NIBAN1: variants seen among roughly 807,000 people sequenced by gnomAD.
NIBAN1 encodes the protein protein Niban 1.
A neutral mutation model predicts 75.1 loss-of-function variants in NIBAN1; 81 were observed. The ratio of observed to expected loss-of-function variants is 1.08; its 90% CI spans 0.90 to 1.30. The LOEUF (loss-of-function observed/expected upper bound fraction) is 1.30. Ranked by LOEUF, NIBAN1 falls within the 50% of genes most tolerant of loss-of-function variation. The pLI is 0.00. For synonymous variants in NIBAN1, 436 were observed against 424.8 expected (o/e 1.03, Z -0.32); for missense variants, 1,133 against 1,128.1 (o/e 1.00, Z -0.06).
intron 4 of NIBAN1, among the ~76,000 whole-genome samples, chr1:184,888,394 C>T (rs1236628636): frequency 6.6e-6 from 1 of 152,140 alleles, no homozygotes; most frequent in Non-Finnish European, 1.5e-5. Flanking sequence ...TTTGTACAAG[C>T]AACCAAAAGC....
chr1:184,806,760 A>G (rs1229639139), intron 10 of NIBAN1, among the ~76,000 whole-genome samples: 1 of 132,606 alleles, frequency 7.5e-6, no homozygotes, highest in African/African-American at 2.9e-5. Flanking sequence ...TCCAATATAT[A>G]CCTTTTTTTT....
chr1:184,834,302 A>G (rs557208163), intron 5 of NIBAN1, among the ~76,000 whole-genome samples: 8 of 152,340 alleles, frequency 5.3e-5, no homozygotes, highest in African/African-American at 1.9e-4. Context: ...TATTGTGAAT[A>G]GTGCCACAAT....
In NIBAN1 at chr1:184,798,191, C is replaced by T; in HGVS notation, c.1555-1G>A. 5.7e-6 allele frequency: 9 copies of T among 1,583,788 alleles called. No homozygotes were observed. Among genetic ancestry groups the T allele is most frequent in the Non-Finnish European group, 7.8e-6 (9 of 1,157,250 alleles). ...TGAACTGCTCGTATTTCTGAAGCTC[C>T]TGGAGAGCAAGAGATTAGAAGATAA... On this transcript the variant is annotated splice_acceptor_variant, in intron 12 of 13. Transcript: ENST00000367511. LOFTEE classifies it high-confidence loss of function.
In NIBAN1 at chr1:184,791,723, G is replaced by C. The variant is rs548282789; in HGVS notation, c.*3254C>G. On this transcript the variant is annotated 3_prime_UTR_variant, in exon 14 of 14. Coordinates refer to ENST00000367511, the MANE Select transcript of NIBAN1 (RefSeq NM_052966.4). ...GCTTTGCCCATAGGAGAGATACCCAGAGTGGCAAACAGAGGCTAAGGAAAA... is the reference window on the plus strand; with the variant it reads ...GCTTTGCCCATAGGAGAGATACCCACAGTGGCAAACAGAGGCTAAGGAAAA... The C allele has an allele frequency of 6.6e-6, 1 of 152,212 alleles. No homozygotes were observed. Among genetic ancestry groups the C allele is most frequent in the East Asian group, 1.9e-4 (1 of 5,182 alleles). The allele number at this position is 152,212 out of a possible 1,614,324, so 9.4% of individuals were successfully genotyped here. A position where few individuals can be genotyped will look rare whatever the true frequency, so the allele number is the denominator to read the frequency against.
chr1:184,956,208 G>A (rs370368487), intron 1 of NIBAN1, among the ~76,000 whole-genome samples: 2 of 151,940 alleles, frequency 1.3e-5, no homozygotes, highest in South Asian at 2.1e-4. Context: ...TTTGTTTTTT[G>A]TAGAGACGAG....
At chr1:184,905,066 G>A (rs1657057310) in intron 1 of NIBAN1, among the ~76,000 whole-genome samples, 2 of 152,142 alleles carry the variant, frequency 1.3e-5, no homozygotes, top group African/African-American at 2.4e-5. Context: ...CAGAGTGGGA[G>A]GGGGAGTGCC....
chr1:184,896,722 T>C (rs947311839), intron 2 of NIBAN1, among the ~76,000 whole-genome samples: 2 of 152,178 alleles, frequency 1.3e-5, no homozygotes, highest in African/African-American at 4.8e-5. Context: ...TTTTTGTATA[T>C]AATGAGAGAT....
intron 5 of NIBAN1, among the ~76,000 whole-genome samples, chr1:184,844,337 C>G (rs1655377554): frequency 6.6e-6 from 1 of 152,192 alleles, no homozygotes; most frequent in Admixed American, 6.5e-5. Flanking sequence ...CATGTCCTAG[C>G]CTAACACACC....
At chr1:184,938,329 G>A (rs185180846) in intron 1 of NIBAN1, among the ~76,000 whole-genome samples, 1 of 152,226 alleles carries the variant, frequency 6.6e-6, no homozygotes, top group East Asian at 1.9e-4. Flanking sequence ...TTAGTGGGGG[G>A]TTGTTTGTGG....
At chr1:184,808,679 T>C (rs338567) in intron 9 of NIBAN1, among the ~76,000 whole-genome samples, 30,899 of 152,016 alleles carry the variant, frequency 0.2, 3,558 homozygotes, top group East Asian at 0.47. Flanking sequence ...TCCTGGACTT[T>C]GGAAGGGAAG....
At chr1:184,948,627 C>T (rs1184765812) in intron 1 of NIBAN1, among the ~76,000 whole-genome samples, 1 of 151,866 alleles carries the variant, frequency 6.6e-6, no homozygotes, top group Non-Finnish European at 1.5e-5. Flanking sequence ...CCTAAATGTC[C>T]AACAAGAAGA....
intron 1 of NIBAN1, among the ~76,000 whole-genome samples, chr1:184,926,271 T>C (rs1419267247): frequency 6.6e-6 from 1 of 152,226 alleles, no homozygotes; most frequent in African/African-American, 2.4e-5. Context: ...CGAGACTCAC[T>C]CTATCGCCCA....
chr1:184,894,167 G>T lies in NIBAN1; in HGVS notation c.226C>A (p.Leu76Ile). Residue 76 changes from leucine to isoleucine, a missense_variant, in exon 3 of 14, where the codon CTA becomes ATA. By Grantham distance (5) the Leu-to-Ile change is conservative (BLOSUM62 2). Coordinates refer to ENST00000367511, the MANE Select transcript of NIBAN1 (RefSeq NM_052966.4). ...TTTATGTCTTCAGAAAATTGTGATA[G>T]CTCTGCTTCATACAAAATAGTTCCA... ...APGTILYEAE[L>I]SQFSEDIKKW... is the part of the protein sequence containing the mutation. 1 of 1,611,958 alleles carries T rather than the reference G, an allele frequency of 6.2e-7. No homozygotes were observed. The highest frequency in any genetic ancestry group is 2.2e-5 in the East Asian group (1 of 44,774).
chr1:184,923,715 TC>T (rs892748942), intron 1 of NIBAN1, among the ~76,000 whole-genome samples: 40 of 152,326 alleles, frequency 2.6e-4, no homozygotes, highest in African/African-American at 9.1e-4. Flanking sequence ...GGAATATCTT[TC>T]CTTTTTGTGT....
chr1:184,885,658 A>G (rs1306068411), intron 4 of NIBAN1, among the ~76,000 whole-genome samples: 1 of 152,082 alleles, frequency 6.6e-6, no homozygotes, highest in Non-Finnish European at 1.5e-5. Context: ...TGTCACTGCC[A>G]AACACCACTT....
rs2273851 is a variant in NIBAN1, at chr1:184,818,809, C to T, written c.1002G>A (p.Pro334=). Residue 334 remains proline, a synonymous_variant, in exon 9 of 14, where the codon CCG becomes CCA. Coordinates refer to ENST00000367511, the MANE Select transcript of NIBAN1 (RefSeq NM_052966.4). The stretch of plus-strand genomic sequence containing the variant: ...CACTCTCCAAGCAGCTTTTCTCCGC[C>T]GGCTGGGCCACCATCGCTGAGGTAG... The part of the protein sequence containing the change: ...IGKIKAMVAQ[P]AEKSCLESVQ... 6,373 of 1,591,914 alleles carry T rather than the reference C, an allele frequency of 4.0e-3. 145 individuals are homozygous for T. In the East Asian group the frequency reaches 0.073, roughly 18 times the overall value.
chr1:184,931,337 A>G (rs372699911), intron 1 of NIBAN1, among the ~76,000 whole-genome samples: 29 of 152,268 alleles, frequency 1.9e-4, no homozygotes, highest in African/African-American at 6.7e-4. Flanking sequence ...TATGTCTTTA[A>G]TCAATGCAGT....
intron 6 of NIBAN1, among the ~76,000 whole-genome samples, chr1:184,824,823 A>C (rs1160408077): frequency 6.6e-6 from 1 of 152,202 alleles, no homozygotes; most frequent in Non-Finnish European, 1.5e-5. Flanking sequence ...ATGTCTCCGA[A>C]GCTGGATTAA....
At chr1:184,943,669 C>T (rs1658151944) in intron 1 of NIBAN1, among the ~76,000 whole-genome samples, 1 of 151,338 alleles carries the variant, frequency 6.6e-6, no homozygotes, top group South Asian at 2.1e-4. Flanking sequence ...CAAAAATGAC[C>T]CCCAAAAATC....
Sources: allele counts gnomAD v4.1 joint callset (sites outside exome capture counted in the v4.1 genomes callset), GRCh38; gene constraint gnomAD v4.1.1; transcripts MANE v1.5; gene names NCBI Gene and HGNC (gene_info 2026-07-23, HGNC 2026-07-21).